The following PTPRD variants were observed in gnomAD, a reference collection of about 807,000 sequenced individuals.
PTPRD encodes the protein protein tyrosine phosphatase receptor type D.
In PTPRD, 34 loss-of-function variants were observed where a neutral mutation model predicts 214.5. The observed-to-expected ratio is 0.16, with a 90% CI of 0.12 to 0.21. The LOEUF (loss-of-function observed/expected upper bound fraction) is 0.21. PTPRD is among the 10% of genes least tolerant of loss of function. PTPRD has a pLI of 1.00. For synonymous variants in PTPRD, 1,128 were observed against 845.7 expected (o/e 1.33, Z -5.79); for missense variants, 2,545 against 2,398.7 (o/e 1.06, Z -1.27).
At chr9:8,465,162 G>C (rs192546714) in intron 32 of PTPRD, among the ~76,000 whole-genome samples, 1 of 151,864 alleles carries the variant, frequency 6.6e-6, no homozygotes, top group Non-Finnish European at 1.5e-5. Context: ...AAGCAATGAT[G>C]GTTCTAACAC....
intron 3 of PTPRD, among the ~76,000 whole-genome samples, chr9:10,058,380 T>A (rs1215349680): frequency 6.6e-6 from 1 of 152,102 alleles, no homozygotes; most frequent in Non-Finnish European, 1.5e-5. Flanking sequence ...GGTAAACAAC[T>A]CAAGAATTGG....
chr9:9,273,549 C>A (rs984570707), intron 9 of PTPRD, among the ~76,000 whole-genome samples: 2 of 151,232 alleles, frequency 1.3e-5, no homozygotes, highest in East Asian at 3.9e-4. Flanking sequence ...ATGGAATTTT[C>A]TTTAAAAACA....
In PTPRD at chr9:10,287,828, C is replaced by T. The variant is rs182429484; in HGVS notation, c.-545+53135G>A. On this transcript the variant is annotated intron_variant, in intron 3 of 45. Coordinates refer to ENST00000381196, the MANE Select transcript of PTPRD (RefSeq NM_002839.4). Reference sequence around the variant, plus strand: ...CTTAGGCAGGAAAGAAATTATTGTCCAATCGTTCCAGAGCGATTCTTCAGC... The same window carrying T: ...CTTAGGCAGGAAAGAAATTATTGTCTAATCGTTCCAGAGCGATTCTTCAGC... 4.6e-3 allele frequency among the ~76,000 whole-genome samples: 699 copies of T among 152,108 alleles called. 15 individuals carry two copies. Among genetic ancestry groups the T allele is most frequent in the Non-Finnish European group, 5.8e-3 (394 of 67,980 alleles).
intron 4 of PTPRD, among the ~76,000 whole-genome samples, chr9:9,975,902 G>T (rs759725613): frequency 6.6e-6 from 1 of 152,156 alleles, no homozygotes; most frequent in Non-Finnish European, 1.5e-5. Context: ...AGCATTATTT[G>T]GCATACAGTA....
At chr9:8,947,188 G>T (rs1438854263) in intron 11 of PTPRD, among the ~76,000 whole-genome samples, 1 of 151,346 alleles carries the variant, frequency 6.6e-6, no homozygotes, top group Non-Finnish European at 1.5e-5. Context: ...GGTAGGTTGG[G>T]CGTGGTGGCT....
chr9:10,524,148 G>C (rs1442245344), intron 2 of PTPRD, among the ~76,000 whole-genome samples: 3 of 151,948 alleles, frequency 2.0e-5, no homozygotes, highest in Non-Finnish European at 2.9e-5. Flanking sequence ...CTATAGAAAG[G>C]CCTCATCTCC....
chr9:10,280,593 G>A (rs1302678222), intron 3 of PTPRD, among the ~76,000 whole-genome samples: 2 of 151,996 alleles, frequency 1.3e-5, no homozygotes, highest in Non-Finnish European at 2.9e-5. Context: ...GTAAGTCTAG[G>A]ATAAAACCTC....
At chr9:8,392,607 C>A (rs1365366833) in intron 36 of PTPRD, among the ~76,000 whole-genome samples, 1 of 152,086 alleles carries the variant, frequency 6.6e-6, no homozygotes, top group Non-Finnish European at 1.5e-5. Flanking sequence ...AATTATTAAG[C>A]CAATGCTTTA....
intron 11 of PTPRD, among the ~76,000 whole-genome samples, chr9:8,979,036 A>G (rs1415611534): frequency 6.6e-6 from 1 of 152,086 alleles, no homozygotes. Flanking sequence ...GAAAAATCTC[A>G]ACTTTGGCAA....
chr9:9,264,717 G>T (rs930685545), intron 9 of PTPRD, among the ~76,000 whole-genome samples: 11 of 151,562 alleles, frequency 7.3e-5, no homozygotes, highest in African/African-American at 2.4e-4. Flanking sequence ...CTGCAAATAA[G>T]ATTTCACCAA....
intron 7 of PTPRD, among the ~76,000 whole-genome samples, chr9:9,590,873 T>C (rs544315384): frequency 6.6e-6 from 1 of 152,202 alleles, no homozygotes; most frequent in African/African-American, 2.4e-5. Flanking sequence ...CACATGGATT[T>C]TCACAGAAAG....
intron 11 of PTPRD, among the ~76,000 whole-genome samples, chr9:8,989,761 T>A (rs866258622): frequency 6.6e-6 from 1 of 152,172 alleles, no homozygotes; most frequent in African/African-American, 2.4e-5. Context: ...ATGTCTTTAT[T>A]TGTTTTATGC....
intron 14 of PTPRD, among the ~76,000 whole-genome samples, chr9:8,551,025 T>G (rs1289191844): frequency 6.6e-6 from 1 of 152,228 alleles, no homozygotes; most frequent in African/African-American, 2.4e-5. Flanking sequence ...CTCCTGGCAC[T>G]CCCATGATAC....
intron 8 of PTPRD, among the ~76,000 whole-genome samples, chr9:9,470,905 T>C (rs1009098020): frequency 6.6e-6 from 1 of 152,192 alleles, no homozygotes; most frequent in Non-Finnish European, 1.5e-5. Flanking sequence ...AGGCTTATTC[T>C]TCAATCATAA....
Position 8,890,808 on chromosome 9 carries a change from T to C in PTPRD, c.-104+127889A>G, listed in dbSNP as rs1051038720. Among the ~76,000 whole-genome samples the C allele has an allele frequency of 3.3e-5, 5 of 152,208 alleles. No individual in the cohort carries two copies. In the South Asian group the frequency reaches 1.0e-3, roughly 32 times the overall value. On this transcript the variant is annotated intron_variant, in intron 11 of 45. Transcript: ENST00000381196. ...TGGTCTCTAGGAAGCAAGGTGCTAT[T>C]ATAATTGCCTATTTTCATTTGTTAC...
intron 9 of PTPRD, among the ~76,000 whole-genome samples, chr9:9,239,828 C>T (rs2099969465): frequency 6.6e-6 from 1 of 152,142 alleles, no homozygotes; most frequent in Non-Finnish European, 1.5e-5. Context: ...TATCCTTTGG[C>T]TTGTGCTCTA....
intron 35 of PTPRD, among the ~76,000 whole-genome samples, chr9:8,408,497 G>A (rs192779514): frequency 1.5e-3 from 231 of 152,174 alleles, no homozygotes; most frequent in South Asian, 3.9e-3. Context: ...TTCAGTCTCC[G>A]TTGTGGAGAA....
At chr9:9,112,010 T>C (rs540161008) in intron 10 of PTPRD, among the ~76,000 whole-genome samples, 1 of 152,198 alleles carries the variant, frequency 6.6e-6, no homozygotes, top group South Asian at 2.1e-4. Flanking sequence ...CTCCAACAAT[T>C]TGTGGCTAGA....
rs1445996025 is a variant in PTPRD at position 8,518,095 on chromosome 9, G to A, written c.1296C>T (p.Thr432=). 6.2e-7 allele frequency: 1 copy of A among 1,614,142 alleles called. No individual in the cohort carries two copies. Among genetic ancestry groups the A allele is most frequent in the Non-Finnish European group, 8.5e-7 (1 of 1,180,016 alleles). The change falls in exon 21 of 46, where the codon ACC becomes ACT. Residue 432 remains threonine (T), a synonymous_variant. Transcript: ENST00000381196. ...RDVQARMLSS[T]TILVQWKEPE... ...GTTCCTTCCACTGTACCAAAATGGTGGTCGAACTCAACATTCGTGCCTGGA... is the reference window on the plus strand; with the variant it reads ...GTTCCTTCCACTGTACCAAAATGGTAGTCGAACTCAACATTCGTGCCTGGA...
Sources: allele counts gnomAD v4.1 joint callset (sites outside exome capture counted in the v4.1 genomes callset), GRCh38; gene constraint gnomAD v4.1.1; transcripts MANE v1.5; gene names NCBI Gene and HGNC (gene_info 2026-07-23, HGNC 2026-07-21).